Variants in LARGE1 observed in about 807,000 individuals in gnomAD.
LARGE1 encodes xylosyl- and glucuronyltransferase LARGE1.
LARGE1 carries 43 observed loss-of-function variants against 87.6 expected under a neutral mutation model. That is an observed-to-expected ratio of 0.49 (90% confidence interval 0.38 to 0.63). LARGE1 has a LOEUF of 0.63. Ranked by LOEUF, LARGE1 falls within the 30% of genes least tolerant of loss-of-function variation. The pLI is 0.00. For synonymous variants in LARGE1, 434 were observed against 394.6 expected, an observed-to-expected ratio of 1.10 and a Z score of -1.18; for missense variants, 802 against 1,000.2, an observed-to-expected ratio of 0.80 and a Z score of 2.67.
At chr22:33,337,360 C>T (rs1938584679) in intron 10 of LARGE1, among the ~76,000 whole-genome samples, 1 of 152,152 alleles carries the variant, frequency 6.6e-6, no homozygotes, top group Non-Finnish European at 1.5e-5. Flanking sequence ...CTTGATCTTT[C>T]CTTTCACTGG....
chr22:33,284,623 G>C (rs1931158436), intron 12 of LARGE1, among the ~76,000 whole-genome samples: 1 of 152,030 alleles, frequency 6.6e-6, no homozygotes, highest in Non-Finnish European at 1.5e-5. Flanking sequence ...TGTTGCCCAG[G>C]CTGGAGTGCA....
At chr22:33,429,931 G>A (rs539205294) in intron 7 of LARGE1, among the ~76,000 whole-genome samples, 2 of 152,198 alleles carry the variant, frequency 1.3e-5, no homozygotes, top group Non-Finnish European at 2.9e-5. Context: ...TGCTGGGACA[G>A]GAAACAGAGT....
intron 1 of LARGE1, among the ~76,000 whole-genome samples, chr22:33,909,537 T>C (rs578201069): frequency 1.3e-5 from 2 of 149,850 alleles, no homozygotes; most frequent in Non-Finnish European, 3.0e-5. Context: ...TTTTTTTTTG[T>C]TTTTGTTTTT....
intron 3 of LARGE1, among the ~76,000 whole-genome samples, chr22:33,626,955 C>A (rs2079941113): frequency 6.6e-6 from 1 of 152,212 alleles, no homozygotes; most frequent in Admixed American, 6.5e-5. Context: ...GCAGGGTCCA[C>A]TGACTCACTG....
At chr22:33,480,018 T>C (rs1489817246) in intron 6 of LARGE1, among the ~76,000 whole-genome samples, 1 of 152,178 alleles carries the variant, frequency 6.6e-6, no homozygotes, top group South Asian at 2.1e-4. Context: ...GTGCTGGGAT[T>C]ACAGGCGTGA....
At chr22:33,510,830 G>A (rs563139729) in intron 6 of LARGE1, among the ~76,000 whole-genome samples, 16 of 152,172 alleles carry the variant, frequency 1.1e-4, no homozygotes, top group East Asian at 7.7e-4. Flanking sequence ...CAAGCAATCC[G>A]CCCACCTTGG....
intron 1 of LARGE1, among the ~76,000 whole-genome samples, chr22:33,896,817 G>A (rs947978014): frequency 5.3e-5 from 8 of 152,022 alleles, no homozygotes; most frequent in Non-Finnish European, 1.0e-4. Flanking sequence ...ATACTCACTC[G>A]TTCTCTCTCA....
chr22:33,568,753 C>G (rs899532337), intron 5 of LARGE1, among the ~76,000 whole-genome samples: 1 of 115,120 alleles, frequency 8.7e-6, no homozygotes, highest in South Asian at 2.8e-4. Context: ...GCAACAAAAG[C>G]GAAACTCAGT....
chr22:33,650,257 C>T (rs935969814), intron 3 of LARGE1, 110 bp downstream of exon 3: 4 of 1,377,316 alleles, frequency 2.9e-6, no homozygotes, highest in Non-Finnish European at 4.1e-6. Context: ...GGGCTAGAAT[C>T]AAGAATGCCA....
chr22:33,653,778 C>CA (rs2080885679), intron 2 of LARGE1, among the ~76,000 whole-genome samples: 1 of 152,138 alleles, frequency 6.6e-6, no homozygotes, highest in Non-Finnish European at 1.5e-5. Flanking sequence ...TTTCAGAACA[C>CA]AGAGTTGTTC....
chr22:33,412,021 C>T (rs148698386), intron 7 of LARGE1, among the ~76,000 whole-genome samples: 4,554 of 152,262 alleles, frequency 0.03, 75 homozygotes, highest in South Asian at 0.073. Flanking sequence ...CGGTGGCTCA[C>T]GCCTGTAATC....
At chr22:33,117,312 G>A in the LARGE1 span, among the ~76,000 whole-genome samples, 1 of 152,198 alleles carries the variant, frequency 6.6e-6, no homozygotes, top group Non-Finnish European at 1.5e-5. Flanking sequence ...AGCATAGAAG[G>A]GAGGATGGCA....
chr22:33,542,606 G>T (rs2077244733), intron 6 of LARGE1, among the ~76,000 whole-genome samples: 1 of 149,928 alleles, frequency 6.7e-6, no homozygotes. Flanking sequence ...AACCTTGAAG[G>T]CACAGCCAGC....
intron 2 of LARGE1, among the ~76,000 whole-genome samples, chr22:33,690,944 C>T (rs920632736): frequency 6.6e-6 from 1 of 152,170 alleles, no homozygotes; most frequent in Non-Finnish European, 1.5e-5. Context: ...AGCAGGCGCT[C>T]ATGTGGACCC....
intron 9 of LARGE1, among the ~76,000 whole-genome samples, chr22:33,364,555 C>G (rs894276902): frequency 6.6e-6 from 1 of 152,118 alleles, no homozygotes; most frequent in Non-Finnish European, 1.5e-5. Context: ...ATGGAAGATT[C>G]CAGAAATAAT....
chr22:33,807,412 T>C (rs1354655930), intron 1 of LARGE1, among the ~76,000 whole-genome samples: 1 of 152,176 alleles, frequency 6.6e-6, no homozygotes, highest in Non-Finnish European at 1.5e-5. Context: ...TAGGAAGGTA[T>C]AGAGAGATTT....
intron 11 of LARGE1, among the ~76,000 whole-genome samples, chr22:33,259,921 C>G (rs1371042116): frequency 6.6e-6 from 1 of 152,166 alleles, no homozygotes; most frequent in Non-Finnish European, 1.5e-5. Flanking sequence ...GAGACTGGCC[C>G]TCCCAGGTCT....
At chr22:33,874,241 G>T (rs1156593363) in intron 1 of LARGE1, among the ~76,000 whole-genome samples, 1 of 152,106 alleles carries the variant, frequency 6.6e-6, no homozygotes, top group East Asian at 1.9e-4. Context: ...AGCAGGCCAG[G>T]ACCACAGGCA....
At chr22:33,072,494 T>C in the LARGE1 span, among the ~76,000 whole-genome samples, 2 of 152,190 alleles carry the variant, frequency 1.3e-5, no homozygotes, top group African/African-American at 2.4e-5. Context: ...TTGAATTAAC[T>C]GGTGGTTTTT....
Sources: gnomAD v4.1 joint callset for allele counts (sites outside exome capture counted in the v4.1 genomes callset) on GRCh38, gnomAD v4.1.1 for gene constraint, MANE v1.5 for transcripts, NCBI Gene and HGNC (gene_info 2026-07-23, HGNC 2026-07-21) for gene names.